PAK3: variants seen among roughly 807,000 people sequenced by gnomAD.
The protein encoded by PAK3 is serine/threonine-protein kinase PAK 3.
A neutral mutation model predicts 41.0 loss-of-function variants in PAK3; 4 were observed. The ratio of observed to expected loss-of-function variants is 0.10; its 90% CI spans 0.05 to 0.22. The LOEUF (loss-of-function observed/expected upper bound fraction) is 0.22, where lower values mean the gene tolerates loss of function less well. Ranked by LOEUF, PAK3 falls within the 10% of genes least tolerant of loss-of-function variation. The pLI, the probability that PAK3 is intolerant of heterozygous loss-of-function variation, is 1.00. For synonymous variants in PAK3, 146 were observed against 139.6 expected, an observed-to-expected ratio of 1.05 and a Z score of -0.32; for missense variants, 205 against 409.9, an observed-to-expected ratio of 0.50 and a Z score of 4.32.
intron 1 of PAK3, among the ~76,000 whole-genome samples, chrX:110,990,523 A>G (rs1341527926): frequency 9.0e-6 from 1 of 110,856 alleles, no homozygotes; most frequent in Non-Finnish European, 1.9e-5. Flanking sequence ...AAATGTATTG[A>G]CCGTAGAATG....
chrX:111,067,692 C>G (rs952294747), intron 1 of PAK3, among the ~76,000 whole-genome samples: 2 of 111,736 alleles, frequency 1.8e-5, no homozygotes, highest in Admixed American at 1.9e-4. Flanking sequence ...AATAAATTTG[C>G]TAATGTTAAA....
chrX:110,958,992 A>G (rs971637695), intron 1 of PAK3, among the ~76,000 whole-genome samples: 1 of 112,512 alleles, frequency 8.9e-6, no homozygotes, highest in African/African-American at 3.2e-5. Flanking sequence ...TATTTGATAT[A>G]GACTTTGAAC....
At chrX:111,045,182 C>T (rs2092485252) in intron 1 of PAK3, among the ~76,000 whole-genome samples, 1 of 111,751 alleles carries the variant, frequency 8.9e-6, no homozygotes, top group South Asian at 3.8e-4. Context: ...GGAAAGATGC[C>T]AATAAGGGCA....
chrX:110,994,043 G>A (rs1036524194), intron 1 of PAK3, among the ~76,000 whole-genome samples: 2 of 112,026 alleles, frequency 1.8e-5, no homozygotes, highest in African/African-American at 3.2e-5. Context: ...CAATGATATA[G>A]TGTTCTTTTC....
chrX:111,212,672 G>C (rs1009749234), intron 16 of PAK3, among the ~76,000 whole-genome samples: 1 of 112,108 alleles, frequency 8.9e-6, no homozygotes, highest in Non-Finnish European at 1.9e-5. Context: ...TTCCCTCAAA[G>C]AGTAGGGCTT....
At chrX:111,113,538 C>T (rs1482701035) in intron 4 of PAK3, among the ~76,000 whole-genome samples, 2 of 111,058 alleles carry the variant, frequency 1.8e-5, no homozygotes, top group Non-Finnish European at 3.8e-5. Flanking sequence ...TGCTGTAGCT[C>T]CTCTTTTTAA....
intron 1 of PAK3, among the ~76,000 whole-genome samples, chrX:111,065,317 G>GTTTTTTTTTTTTTTT (rs56710729): frequency 2.9e-5 from 3 of 102,272 alleles, no homozygotes; most frequent in African/African-American, 3.5e-5. Context: ...AGATGATCAC[G>GTTTTTTTTTTTTTTT]TTTTTTTTTT....
At chrX:110,989,249 T>A (rs991400745) in intron 1 of PAK3, among the ~76,000 whole-genome samples, 4 of 111,892 alleles carry the variant, frequency 3.6e-5, no homozygotes, top group Admixed American at 1.9e-4. Context: ...AACCTACTAC[T>A]CTTACCATTT....
intron 1 of PAK3, among the ~76,000 whole-genome samples, chrX:111,064,278 T>G (rs1430650133): frequency 8.9e-6 from 1 of 111,851 alleles, no homozygotes; most frequent in African/African-American, 3.2e-5. Context: ...ATTTACTTAT[T>G]TTTTATTATT....
intron 8 of PAK3, among the ~76,000 whole-genome samples, chrX:111,154,100 T>C (rs188035816): frequency 9.0e-6 from 1 of 111,691 alleles, no homozygotes; most frequent in Admixed American, 9.5e-5. Flanking sequence ...GTCAAATTCA[T>C]AGAGACAGAA....
At chrX:110,988,709 C>T (rs1006600566) in intron 1 of PAK3, among the ~76,000 whole-genome samples, 4 of 111,884 alleles carry the variant, frequency 3.6e-5, no homozygotes, top group Non-Finnish European at 7.5e-5. Flanking sequence ...CTCTCCCATG[C>T]TATTCTTGGA....
intron 1 of PAK3, among the ~76,000 whole-genome samples, chrX:111,063,805 G>A (rs1344746313): frequency 1.5e-5 from 1 of 68,677 alleles, no homozygotes; most frequent in African/African-American, 4.7e-5. Context: ...CAGCCTGGGT[G>A]ACAGAGACTG....
intron 5 of PAK3, among the ~76,000 whole-genome samples, chrX:111,135,277 G>A (rs1183175107): frequency 9.0e-6 from 1 of 111,658 alleles, no homozygotes; most frequent in Admixed American, 9.5e-5. Flanking sequence ...CAAAAGAAGA[G>A]TTGTTATTTC....
intron 1 of PAK3, among the ~76,000 whole-genome samples, chrX:111,028,645 T>A (rs901762189): frequency 4.5e-5 from 5 of 111,973 alleles, no homozygotes; most frequent in Non-Finnish European, 1.9e-5. Flanking sequence ...TAATAAAAGT[T>A]GGGTTGATAA....
chrX:110,965,593 A>G lies in PAK3; in HGVS notation c.-28+20965A>G, dbSNP rs935389297. Among the ~76,000 whole-genome samples the G allele has an allele frequency of 2.7e-5, 3 of 112,498 alleles. No homozygotes were observed. In the Admixed American group the frequency reaches 2.8e-4, roughly 11 times the overall value. On this transcript the variant is annotated intron_variant, in intron 1 of 14. Transcript: ENST00000425146. The stretch of plus-strand genomic sequence containing the variant: ...GCTCCAGGGTGAGGCAGCCTGATAC[A>G]GATCTTAACTTGATTACTCACTAGC...
At chrX:111,136,536 C>A (rs2093792101) in intron 5 of PAK3, among the ~76,000 whole-genome samples, 1 of 111,647 alleles carries the variant, frequency 9.0e-6, no homozygotes, top group Non-Finnish European at 1.9e-5. Flanking sequence ...ATGGCAGTGA[C>A]TAGAATGATA....
Position 111,223,758 on chromosome X carries a change from A to C in PAK3, c.*3311A>C, listed in dbSNP as rs1040405206. 1 of 111,424 alleles carries C rather than the reference A, an allele frequency of 9.0e-6. No individual in the cohort carries two copies. Among genetic ancestry groups the C allele is most frequent in the African/African-American group, 3.3e-5 (1 of 30,648 alleles). The allele number at this position is 111,424 out of a possible 1,213,427, so 9.2% of individuals were successfully genotyped here. A position where few individuals can be genotyped will look rare whatever the true frequency, so the allele number is the denominator to read the frequency against. ...GCTCAAAGATCGTGTAAATAATTAT[A>C]TTCCTTTGCTCAATGGGTTTATTTC... On this transcript the variant is annotated 3_prime_UTR_variant, in exon 18 of 18. Transcript: ENST00000372007.
intron 1 of PAK3, among the ~76,000 whole-genome samples, chrX:111,001,792 C>G (rs978260253): frequency 1.8e-5 from 2 of 111,059 alleles, no homozygotes; most frequent in Non-Finnish European, 3.8e-5. Context: ...CAGCTGGTAG[C>G]TTTGACTGAG....
chrX:111,112,980 A>G (rs978722315), intron 4 of PAK3, among the ~76,000 whole-genome samples: 38 of 111,957 alleles, frequency 3.4e-4, no homozygotes, highest in African/African-American at 1.2e-3. Context: ...TTTGAGATCT[A>G]TTCTTTTACT....
Sources: allele counts gnomAD v4.1 joint callset (sites outside exome capture counted in the v4.1 genomes callset), GRCh38; gene constraint gnomAD v4.1.1; transcripts MANE v1.5; gene names NCBI Gene and HGNC (gene_info 2026-07-23, HGNC 2026-07-21).